Variants in SLC8A1 observed in about 807,000 individuals in gnomAD.
SLC8A1 encodes the protein solute carrier family 8 member A1, also known as sodium/calcium exchanger 1.
SLC8A1 carries 18 observed loss-of-function variants against 68.3 expected under a neutral mutation model. The ratio of observed to expected loss-of-function variants is 0.26; its 90% CI spans 0.18 to 0.39. SLC8A1 has a LOEUF of 0.39. SLC8A1 is among the 10% of genes least tolerant of loss of function. The pLI is 1.00. For synonymous variants in SLC8A1, 475 were observed against 415.5 expected (o/e 1.14, Z -1.74); for missense variants, 985 against 1,156.7 (o/e 0.85, Z 2.15).
chr2:40,315,380 T>A (rs1366084520), intron 2 of SLC8A1, among the ~76,000 whole-genome samples: 1 of 151,806 alleles, frequency 6.6e-6, no homozygotes, highest in Non-Finnish European at 1.5e-5. Context: ...GTCACAGTTG[T>A]GCCTCAATGA....
rs533315846 is a variant in SLC8A1 at position 40,357,497 on chromosome 2, T to TTAAA, written c.1808+70975_1808+70976insTTTA. Among the ~76,000 whole-genome samples, 84 of 115,494 alleles carry TTAAA rather than the reference T, an allele frequency of 7.3e-4. 1 individual carries two copies. Among genetic ancestry groups the TTAAA allele is most frequent in the African/African-American group, 2.6e-3 (79 of 30,222 alleles). 75.8% of individuals were successfully genotyped at this position (115,494 alleles called of 152,430 possible). On this transcript the variant is annotated intron_variant, in intron 2 of 7. Coordinates refer to ENST00000406785, the Ensembl canonical transcript of SLC8A1. The stretch of plus-strand genomic sequence containing the variant: ...GGGCAACAGAGCCAGACCCTGTCTT[T>TTAAA]AAAAAAAAAAAAAAAAAAAACACAA...
At chr2:40,346,509 A>G (rs1471839345) in intron 2 of SLC8A1, among the ~76,000 whole-genome samples, 1 of 152,116 alleles carries the variant, frequency 6.6e-6, no homozygotes, top group Non-Finnish European at 1.5e-5. Context: ...TCCTCCTAGG[A>G]CCATGCCGCC....
chr2:40,434,903 C>G (rs541364378), intron 1 of SLC8A1, among the ~76,000 whole-genome samples: 45 of 152,260 alleles, frequency 3.0e-4, no homozygotes, highest in Non-Finnish European at 5.3e-4. Context: ...AAACCCACAT[C>G]TACAAGAGAT....
intron 1 of SLC8A1, among the ~76,000 whole-genome samples, chr2:40,512,169 T>C (rs769669549): frequency 6.6e-5 from 10 of 152,168 alleles, no homozygotes; most frequent in Admixed American, 1.3e-4. Flanking sequence ...CTTCCCTGTC[T>C]TGTGGAGGCA....
chr2:40,309,717 G>A (rs2073336593), intron 2 of SLC8A1, among the ~76,000 whole-genome samples: 1 of 152,040 alleles, frequency 6.6e-6, no homozygotes, highest in African/African-American at 2.4e-5. Context: ...TGTTGGCCAG[G>A]CTGGTCTCAA....
chr2:40,506,166 C>G (rs1706356646), intron 1 of SLC8A1, among the ~76,000 whole-genome samples: 2 of 143,158 alleles, frequency 1.4e-5, no homozygotes, highest in Middle Eastern at 7.4e-3. Flanking sequence ...AAAGACAATT[C>G]TTTTCCAACC....
chr2:40,244,760 G>C (rs1023324250), intron 2 of SLC8A1, among the ~76,000 whole-genome samples: 1 of 152,114 alleles, frequency 6.6e-6, no homozygotes, highest in African/African-American at 2.4e-5. Context: ...GCCTTGGGGA[G>C]ATCAGTAGAG....
chr2:40,321,973 A>C (rs1262490697), intron 2 of SLC8A1, among the ~76,000 whole-genome samples: 3 of 152,134 alleles, frequency 2.0e-5, no homozygotes, highest in Non-Finnish European at 4.4e-5. Context: ...CTCATTAGTC[A>C]ACTTAGGGTA....
At chr2:40,195,831 T>C (rs1422412359) in intron 2 of SLC8A1, 1 of 152,056 alleles carries the variant, frequency 6.6e-6, no homozygotes, top group Admixed American at 6.6e-5. Context: ...GAAGTGGTAA[T>C]TGAAGGCACT....
intron 2 of SLC8A1, among the ~76,000 whole-genome samples, chr2:40,409,057 T>C (rs1024571744): frequency 7.2e-5 from 11 of 152,128 alleles, no homozygotes; most frequent in African/African-American, 2.2e-4. Context: ...ACATTACAAA[T>C]ATACCAATTC....
chr2:40,252,109 C>T (rs751526631), intron 2 of SLC8A1, among the ~76,000 whole-genome samples: 1 of 152,124 alleles, frequency 6.6e-6, no homozygotes, highest in African/African-American at 2.4e-5. Context: ...TATTTTCCCT[C>T]TTTTAATTTT....
intron 7 of SLC8A1, among the ~76,000 whole-genome samples, chr2:40,125,815 C>T (rs2037962998): frequency 6.6e-6 from 1 of 152,166 alleles, no homozygotes; most frequent in African/African-American, 2.4e-5. Context: ...TGCCATGAGC[C>T]TGATCTCTCA....
chr2:40,255,821 T>C (rs945692755), intron 2 of SLC8A1, among the ~76,000 whole-genome samples: 10 of 152,158 alleles, frequency 6.6e-5, no homozygotes, highest in Non-Finnish European at 8.8e-5. Flanking sequence ...GATATACTTG[T>C]CACATCAATT....
chr2:40,125,857 G>A (rs1043605729), intron 7 of SLC8A1, among the ~76,000 whole-genome samples: 4 of 152,178 alleles, frequency 2.6e-5, no homozygotes, highest in African/African-American at 7.2e-5. Context: ...TCCCAGGGAC[G>A]TAGGACAGTT....
At chr2:40,333,756 A>AT (rs2076682846) in intron 2 of SLC8A1, among the ~76,000 whole-genome samples, 1 of 152,168 alleles carries the variant, frequency 6.6e-6, no homozygotes, top group Admixed American at 6.5e-5. Context: ...TCACACAAAA[A>AT]ATATCAATAT....
intron 2 of SLC8A1, among the ~76,000 whole-genome samples, chr2:40,214,633 G>A (rs1175409077): frequency 6.6e-6 from 1 of 151,314 alleles, no homozygotes; most frequent in African/African-American, 2.4e-5. Flanking sequence ...ATTTTTAGTA[G>A]ACACGGGGTT....
chr2:40,331,045 T>C (rs907008073), intron 2 of SLC8A1, among the ~76,000 whole-genome samples: 6 of 152,220 alleles, frequency 3.9e-5, no homozygotes, highest in Non-Finnish European at 8.8e-5. Flanking sequence ...ACGTAGATGC[T>C]AGGAGCATCA....
chr2:40,394,696 G>C (rs1686374464), intron 2 of SLC8A1, among the ~76,000 whole-genome samples: 2 of 151,922 alleles, frequency 1.3e-5, no homozygotes. Flanking sequence ...TGTATAGAGT[G>C]CCTGTTGCCA....
At chr2:40,419,894 A>G (rs948548008) in intron 2 of SLC8A1, among the ~76,000 whole-genome samples, 1 of 152,210 alleles carries the variant, frequency 6.6e-6, no homozygotes, top group Non-Finnish European at 1.5e-5. Flanking sequence ...ACACATTGCT[A>G]TCAGGTTTAC....
Sources: allele counts gnomAD v4.1 joint callset (sites outside exome capture counted in the v4.1 genomes callset), GRCh38; gene constraint gnomAD v4.1.1; transcripts MANE v1.5; gene names NCBI Gene and HGNC (gene_info 2026-07-23, HGNC 2026-07-21).